CENPP: variants seen among roughly 807,000 people sequenced by gnomAD.
CENPP encodes centromere protein P.
Under a neutral mutation model 35.6 loss-of-function variants are expected in CENPP, and 24 were observed. The ratio of observed to expected loss-of-function variants is 0.67; its 90% CI spans 0.49 to 0.95. CENPP has a LOEUF of 0.95. CENPP is among the 40% of genes least tolerant of loss of function. The pLI is 0.00. For missense variants in CENPP, 332 were observed against 345.3 expected (o/e 0.96, Z 0.31); for synonymous variants, 120 against 125.5 (o/e 0.96, Z 0.29).
At chr9:92,611,212 C>A in intron 5 of CENPP, 102 bp from the exon 6 acceptor site, 2 of 919,830 alleles carry the variant, frequency 2.2e-6, no homozygotes, top group Non-Finnish European at 3.5e-6. Flanking sequence ...AACACTCGGA[C>A]CCTGATTTTC....
intron 2 of CENPP, among the ~76,000 whole-genome samples, chr9:92,334,224 A>G (rs999201879): frequency 3.3e-5 from 5 of 150,818 alleles, no homozygotes; most frequent in South Asian, 4.2e-4. Flanking sequence ...GGGTTCAAGC[A>G]ATTCTCCTGC....
At chr9:92,459,508 G>A in intron 5 of CENPP, 1 of 893,468 alleles carries the variant, frequency 1.1e-6, no homozygotes. Context: ...CATGCAACCT[G>A]GAGAGTCATT....
intron 5 of CENPP, among the ~76,000 whole-genome samples, chr9:92,577,185 A>C (rs1009805663): frequency 6.6e-6 from 1 of 152,186 alleles, no homozygotes; most frequent in Admixed American, 6.6e-5. Context: ...GTGTATATAT[A>C]TATCCAAAGA....
chr9:92,420,462 A>G (rs1176085007), intron 5 of CENPP, among the ~76,000 whole-genome samples: 1 of 152,196 alleles, frequency 6.6e-6, no homozygotes, highest in African/African-American at 2.4e-5. Context: ...TAACTAAAGA[A>G]AAACAGGAGC....
chr9:92,516,941 C>T (rs1847763980), intron 5 of CENPP: 1 of 152,218 alleles, frequency 6.6e-6, no homozygotes, highest in African/African-American at 2.4e-5. Context: ...GAAGATGTCC[C>T]TATCCCTTCC....
chr9:92,602,970 T>C lies in CENPP; in HGVS notation c.565-8344T>C, dbSNP rs542469977. ...CACGCCCAGCTAATTTTTGTATTTT[T>C]AGTAGAGAAGGGGTTTCACCATGTT... On this transcript the variant is annotated intron_variant, in intron 5 of 7. Coordinates refer to ENST00000375587, the MANE Select transcript of CENPP (RefSeq NM_001012267.3). Among the ~76,000 whole-genome samples, 37 of 152,216 alleles carry C rather than the reference T, an allele frequency of 2.4e-4. 1 individual carries two copies. In the Middle Eastern group the frequency reaches 0.01, roughly 42 times the overall value.
At chr9:92,472,350 C>G (rs545160847) in intron 5 of CENPP, among the ~76,000 whole-genome samples, 148 of 150,894 alleles carry the variant, frequency 9.8e-4, no homozygotes, top group Non-Finnish European at 1.9e-3. Context: ...GAGTGAGACT[C>G]TGTCTCAAAA....
In CENPP at chr9:92,339,448, G is replaced by T. The variant is rs560410548; in HGVS notation, c.378+1819G>T. Among the ~76,000 whole-genome samples, 13 of 152,214 alleles carry T rather than the reference G, an allele frequency of 8.5e-5. 1 individual carries two copies. The highest frequency in any genetic ancestry group is 3.1e-4 in the African/African-American group (13 of 41,546). On this transcript the variant is annotated intron_variant, in intron 3 of 7. Coordinates refer to ENST00000375587, the MANE Select transcript of CENPP (RefSeq NM_001012267.3). Reference sequence around the variant, plus strand: ...TCCAAGTCTCCATTTGCTATTACTGGCTCTGGCAGGCTGAGGATGGGCTAG... The same window carrying T: ...TCCAAGTCTCCATTTGCTATTACTGTCTCTGGCAGGCTGAGGATGGGCTAG...
chr9:92,497,601 G>T (rs1409598957), intron 5 of CENPP, among the ~76,000 whole-genome samples: 1 of 149,048 alleles, frequency 6.7e-6, no homozygotes, highest in African/African-American at 2.5e-5. Context: ...TTCTGCCTGG[G>T]CAACAAGAGC....
chr9:92,473,264 G>A (rs1845593119), intron 5 of CENPP, among the ~76,000 whole-genome samples: 1 of 152,084 alleles, frequency 6.6e-6, no homozygotes, highest in African/African-American at 2.4e-5. Flanking sequence ...GCTCTGCCGT[G>A]GCACATATGG....
chr9:92,341,882 G>C (rs1404506426), intron 3 of CENPP, among the ~76,000 whole-genome samples: 1 of 152,238 alleles, frequency 6.6e-6, no homozygotes, highest in African/African-American at 2.4e-5. Flanking sequence ...AAAATTTTGT[G>C]ACCATTTGAT....
intron 5 of CENPP, among the ~76,000 whole-genome samples, chr9:92,603,373 G>A (rs956014465): frequency 6.6e-6 from 1 of 152,196 alleles, no homozygotes; most frequent in Non-Finnish European, 1.5e-5. Context: ...TCTGAAATGA[G>A]GGCAGATCAT....
intron 5 of CENPP, among the ~76,000 whole-genome samples, chr9:92,421,283 G>GC (rs1251007087): frequency 6.6e-6 from 1 of 152,096 alleles, no homozygotes. Context: ...CAACCAGTCT[G>GC]CCCCCCTCAG....
intron 5 of CENPP, among the ~76,000 whole-genome samples, chr9:92,469,303 A>G (rs1202067370): frequency 6.6e-6 from 1 of 152,206 alleles, no homozygotes; most frequent in Non-Finnish European, 1.5e-5. Flanking sequence ...GAAAGTGAAA[A>G]GAGCAGACAA....
intron 5 of CENPP, among the ~76,000 whole-genome samples, chr9:92,420,232 G>A (rs1481555100): frequency 6.6e-6 from 1 of 152,068 alleles, no homozygotes; most frequent in Non-Finnish European, 1.5e-5. Flanking sequence ...TCCAATTTCC[G>A]TGGAACCTCA....
At chr9:92,579,881 G>C (rs966967364) in intron 5 of CENPP, among the ~76,000 whole-genome samples, 36 of 148,012 alleles carry the variant, frequency 2.4e-4, no homozygotes, top group African/African-American at 8.8e-4. Flanking sequence ...TCTTGTGCCA[G>C]TTTTCAAAGG....
At chr9:92,459,607 A>G (rs1161449616) in intron 5 of CENPP, 1 of 1,608,370 alleles carries the variant, frequency 6.2e-7, no homozygotes. Context: ...ACCAATATCT[A>G]CTGAACACAA....
intron 5 of CENPP, among the ~76,000 whole-genome samples, chr9:92,527,578 T>G (rs965248514): frequency 6.6e-6 from 1 of 152,230 alleles, no homozygotes; most frequent in African/African-American, 2.4e-5. Flanking sequence ...CTTAGAAGTC[T>G]GCTTCACAAC....
At chr9:92,420,825 A>G (rs7867300) in intron 5 of CENPP, among the ~76,000 whole-genome samples, 52,951 of 151,544 alleles carry the variant, frequency 0.35, 11,306 homozygotes, top group Non-Finnish European at 0.48. Context: ...TATTACATCC[A>G]TTTTTCTTTC....
Sources: allele counts gnomAD v4.1 joint callset (sites outside exome capture counted in the v4.1 genomes callset), GRCh38; gene constraint gnomAD v4.1.1; transcripts MANE v1.5; gene names NCBI Gene and HGNC (gene_info 2026-07-23, HGNC 2026-07-21).